MSN: variants seen among roughly 807,000 people sequenced by gnomAD.
The protein encoded by MSN is epididymis luminal protein 70.
A neutral mutation model predicts 48.0 loss-of-function variants in MSN; 2 were observed. The observed-to-expected ratio is 0.04, with a 90% CI of 0.02 to 0.13. The LOEUF (loss-of-function observed/expected upper bound fraction) is 0.13. Among genes scored for constraint, MSN ranks in the 10% least tolerant of loss-of-function variants. The pLI, the probability that MSN is intolerant of heterozygous loss-of-function variation, is 1.00. For synonymous variants in MSN, 146 were observed against 166.9 expected, an observed-to-expected ratio of 0.87 and a Z score of 0.97; for missense variants, 267 against 470.1, an observed-to-expected ratio of 0.57 and a Z score of 3.99.
chrX:65,626,201 G>T (rs188820844), intron 1 of MSN, among the ~76,000 whole-genome samples: 1 of 111,450 alleles, frequency 9.0e-6, no homozygotes, highest in Non-Finnish European at 1.9e-5. Flanking sequence ...TGATCCACCC[G>T]CCGTGGCCTC....
chrX:65,700,400 C>T (rs1222792179), intron 1 of MSN, among the ~76,000 whole-genome samples: 2 of 111,906 alleles, frequency 1.8e-5, no homozygotes, highest in African/African-American at 6.5e-5. Context: ...TAGCCCACTC[C>T]CTGCCTCACT....
chrX:65,623,858 C>A (rs1280811248), intron 1 of MSN, among the ~76,000 whole-genome samples: 1 of 109,136 alleles, frequency 9.2e-6, no homozygotes, highest in Non-Finnish European at 1.9e-5. Flanking sequence ...AATCATCTGG[C>A]TCTGGTTTTT....
chrX:65,710,302 G>A (rs767978835), intron 1 of MSN, among the ~76,000 whole-genome samples: 8 of 111,891 alleles, frequency 7.1e-5, no homozygotes, highest in Non-Finnish European at 1.5e-4. Flanking sequence ...GTGTTTTTCA[G>A]TAAGTGCCTT....
intron 1 of MSN, among the ~76,000 whole-genome samples, chrX:65,629,844 G>A (rs1017893386): frequency 8.9e-6 from 1 of 111,829 alleles, no homozygotes; most frequent in Admixed American, 9.5e-5. Context: ...TTTGGGTGGG[G>A]ACACAGCCAA....
chrX:65,650,994 C>T (rs780020006), intron 1 of MSN, among the ~76,000 whole-genome samples: 2 of 111,739 alleles, frequency 1.8e-5, no homozygotes, highest in African/African-American at 6.5e-5. Flanking sequence ...TTATAAAGAC[C>T]GTTGTGATTA....
chrX:65,715,900 T>C (rs895667699), intron 1 of MSN, among the ~76,000 whole-genome samples: 15 of 111,886 alleles, frequency 1.3e-4, no homozygotes, highest in Admixed American at 5.7e-4. Flanking sequence ...TCTTGTCTTG[T>C]GTCGGTTTTA....
intron 1 of MSN, among the ~76,000 whole-genome samples, chrX:65,623,767 G>A (rs1397619376): frequency 8.4e-5 from 9 of 107,167 alleles, no homozygotes; most frequent in African/African-American, 1.4e-4. Flanking sequence ...AGCCAAAATC[G>A]TGCCATTGCA....
At chrX:65,606,357 G>T (rs1412348742) in intron 1 of MSN, among the ~76,000 whole-genome samples, 1 of 109,129 alleles carries the variant, frequency 9.2e-6, no homozygotes, top group Non-Finnish European at 1.9e-5. Flanking sequence ...TTGATCTCCT[G>T]ACCTCGTGAT....
At chrX:65,701,343 A>G (rs1455169684) in intron 1 of MSN, among the ~76,000 whole-genome samples, 1 of 111,456 alleles carries the variant, frequency 9.0e-6, no homozygotes, top group Non-Finnish European at 1.9e-5. Flanking sequence ...GTAATTTCAA[A>G]GTCTCCTCCT....
At chrX:65,628,703 G>GT (rs1010971168) in intron 1 of MSN, among the ~76,000 whole-genome samples, 79 of 107,191 alleles carry the variant, frequency 7.4e-4, no homozygotes, top group East Asian at 8.8e-4. Flanking sequence ...TAAAAAAAAT[G>GT]TTTTTTTTTT....
At chrX:65,699,924 T>C (rs1172622313) in intron 1 of MSN, among the ~76,000 whole-genome samples, 1 of 111,237 alleles carries the variant, frequency 9.0e-6, no homozygotes, top group Non-Finnish European at 1.9e-5. Context: ...TTTACCTTAC[T>C]GAACCTCCAT....
chrX:65,727,742 C>A, intron 2 of MSN, 72 bp from the exon 3 acceptor site: 1 of 902,432 alleles, frequency 1.1e-6, no homozygotes, highest in Non-Finnish European at 1.6e-6. Context: ...TGACTTCAAA[C>A]TTTGTGTCCT....
At chrX:65,706,830 C>T (rs968367360) in intron 1 of MSN, among the ~76,000 whole-genome samples, 1 of 111,943 alleles carries the variant, frequency 8.9e-6, no homozygotes, top group Non-Finnish European at 1.9e-5. Flanking sequence ...TGTCACCTGC[C>T]TCTATGCACT....
chrX:65,589,919 G>T (rs1167989055), intron 1 of MSN: 1 of 107,813 alleles, frequency 9.3e-6, no homozygotes, highest in Non-Finnish European at 1.9e-5. Context: ...AGACTGGAGT[G>T]CAATGGCACA....
chrX:65,726,735 A>C (rs955775658), intron 2 of MSN, among the ~76,000 whole-genome samples: 1 of 110,871 alleles, frequency 9.0e-6, no homozygotes, highest in African/African-American at 3.3e-5. Context: ...TATTTCTATG[A>C]TTCTTTCTCA....
At chrX:65,592,266 G>C (rs1239590844) in intron 1 of MSN, among the ~76,000 whole-genome samples, 6 of 101,670 alleles carry the variant, frequency 5.9e-5, no homozygotes, top group African/African-American at 2.2e-4. Context: ...CGCCATCTTG[G>C]CTCACTGCAA....
intron 6 of MSN, among the ~76,000 whole-genome samples, chrX:65,732,849 C>T (rs1272596861): frequency 9.0e-6 from 1 of 111,701 alleles, no homozygotes; most frequent in Admixed American, 9.5e-5. Context: ...AGTGAACTCT[C>T]AATGCTGGCA....
intron 1 of MSN, among the ~76,000 whole-genome samples, chrX:65,607,909 G>A (rs779986048): frequency 8.1e-4 from 90 of 111,601 alleles, no homozygotes; most frequent in African/African-American, 2.8e-3. Flanking sequence ...GATCACTTGA[G>A]CCCAAGTGAT....
At position 65,633,993 on chromosome X, in the gene MSN, C is replaced by A. The variant is rs150475518; in HGVS notation, c.-22+45381C>A. On this transcript the variant is annotated intron_variant, in intron 1 of 3. Transcript: ENST00000609672. The stretch of plus-strand genomic sequence containing the variant: ...CCACCAGACCACATCCCCTTCTTCA[C>A]CTTCTTTATCAATTCCTTTCACTCA... Among the ~76,000 whole-genome samples the A allele has an allele frequency of 2.7e-5, 3 of 111,498 alleles. No homozygotes were observed. The South Asian group carries it at 1.1e-3, about 42-fold the overall frequency.
Sources: allele counts gnomAD v4.1 joint callset (sites outside exome capture counted in the v4.1 genomes callset), GRCh38; gene constraint gnomAD v4.1.1; transcripts MANE v1.5; gene names NCBI Gene and HGNC (gene_info 2026-07-23, HGNC 2026-07-21).